Variants in SLCO5A1 observed in about 807,000 individuals in gnomAD.
The protein encoded by SLCO5A1 is solute carrier organic anion transporter family member 5A1.
Under a neutral mutation model 65.1 loss-of-function variants are expected in SLCO5A1, and 39 were observed. That is an observed-to-expected ratio of 0.60 (90% confidence interval 0.46 to 0.78). The LOEUF is 0.78. Ranked by LOEUF, SLCO5A1 falls within the 30% of genes least tolerant of loss-of-function variation. SLCO5A1 has a pLI of 0.00. For synonymous variants in SLCO5A1, 438 were observed against 415.7 expected, an observed-to-expected ratio of 1.05 and a Z score of -0.65; for missense variants, 1,029 against 1,069.4, an observed-to-expected ratio of 0.96 and a Z score of 0.53.
intron 2 of SLCO5A1, among the ~76,000 whole-genome samples, chr8:69,776,029 G>T (rs1397266432): frequency 6.6e-6 from 1 of 151,608 alleles, no homozygotes; most frequent in African/African-American, 2.4e-5. Flanking sequence ...AAAAGAAAAA[G>T]AAAAAAAGCT....
intron 8 of SLCO5A1, 49 bp from the exon 9 acceptor site, chr8:69,676,722 A>G: frequency 1.0e-5 from 16 of 1,533,094 alleles, no homozygotes; most frequent in Non-Finnish European, 1.4e-5. Context: ...TAGCCCCAAG[A>G]AAATGAATGT....
At chr8:69,787,001 A>C (rs1443801745) in intron 2 of SLCO5A1, among the ~76,000 whole-genome samples, 2 of 152,202 alleles carry the variant, frequency 1.3e-5, no homozygotes, top group Non-Finnish European at 2.9e-5. Flanking sequence ...GGCAGAAGGC[A>C]AGGAAACCTG....
At chr8:69,775,541 G>T (rs926782916) in intron 2 of SLCO5A1, among the ~76,000 whole-genome samples, 1 of 152,186 alleles carries the variant, frequency 6.6e-6, no homozygotes, top group Admixed American at 6.5e-5. Flanking sequence ...GGAGTACGGG[G>T]TGTTATCAGG....
In SLCO5A1 at chr8:69,765,054, A is replaced by T. The variant is rs181082849; in HGVS notation, c.908-3179T>A. Among the ~76,000 whole-genome samples, 175 of 152,338 alleles carry T rather than the reference A, an allele frequency of 1.1e-3. 2 individuals are homozygous for T. Among genetic ancestry groups the T allele is most frequent in the Non-Finnish European group, 2.8e-4 (19 of 68,022 alleles). ...GATAAAGCTTTTTAAAATTTGGAAAAGTAACCAGAAACATTTATTTCTATT... is the reference window on the plus strand; with the variant it reads ...GATAAAGCTTTTTAAAATTTGGAAATGTAACCAGAAACATTTATTTCTATT... On this transcript the variant is annotated intron_variant, in intron 2 of 9. Coordinates refer to ENST00000260126, the MANE Select transcript of SLCO5A1 (RefSeq NM_030958.3).
intron 2 of SLCO5A1, among the ~76,000 whole-genome samples, chr8:69,822,087 T>C (rs193269424): frequency 1.3e-5 from 2 of 150,672 alleles, no homozygotes; most frequent in African/African-American, 2.4e-5. Context: ...GACAGTGCCA[T>C]TGCGCTCCAG....
chr8:69,705,342 A>C, intron 5 of SLCO5A1, 113 bp from the exon 6 acceptor site: 1 of 795,876 alleles, frequency 1.3e-6, no homozygotes, highest in Non-Finnish European at 2.0e-6. Flanking sequence ...AGTTACTATA[A>C]TCAATACATC....
chr8:69,829,962 G>A (rs192247935), intron 2 of SLCO5A1, among the ~76,000 whole-genome samples: 1 of 152,260 alleles, frequency 6.6e-6, no homozygotes, highest in East Asian at 1.9e-4. Context: ...TTGGGTCTGT[G>A]TCGTGGGTAT....
intron 5 of SLCO5A1, 34 bp from the exon 6 acceptor site, chr8:69,705,263 C>T (rs1278091464): frequency 1.9e-6 from 3 of 1,590,058 alleles, no homozygotes; most frequent in African/African-American, 1.3e-5. Context: ...TTAATTTGAA[C>T]TCATGTACAC....
At chr8:69,744,267 A>T (rs1011500161) in intron 4 of SLCO5A1, among the ~76,000 whole-genome samples, 7 of 152,204 alleles carry the variant, frequency 4.6e-5, no homozygotes, top group Non-Finnish European at 1.0e-4. Context: ...CATGAACACC[A>T]CTGAGTGCGC....
intron 4 of SLCO5A1, among the ~76,000 whole-genome samples, chr8:69,752,407 G>A (rs530052585): frequency 2.5e-4 from 36 of 144,212 alleles, no homozygotes; most frequent in African/African-American, 9.4e-4. Flanking sequence ...TTGTTAAAAA[G>A]TAACCTCAAT....
At chr8:69,746,155 G>A (rs1402270604) in intron 4 of SLCO5A1, among the ~76,000 whole-genome samples, 2 of 152,078 alleles carry the variant, frequency 1.3e-5, no homozygotes, top group African/African-American at 4.8e-5. Flanking sequence ...GGCAAGGTCT[G>A]TAACTTTTCA....
chr8:69,692,787 C>T (rs1814329420), intron 6 of SLCO5A1, among the ~76,000 whole-genome samples: 2 of 152,196 alleles, frequency 1.3e-5, no homozygotes, highest in South Asian at 4.1e-4. Context: ...ATGGAGCTGT[C>T]ATCTCCTAAG....
chr8:69,699,567 CA>C (rs11339474), intron 6 of SLCO5A1, among the ~76,000 whole-genome samples: 105,155 of 151,494 alleles, frequency 0.69, 37,541 homozygotes, highest in African/African-American at 0.88. Flanking sequence ...ACACACACAG[CA>C]AACTGCTCAG....
At chr8:69,822,704 C>T (rs1820699671) in intron 2 of SLCO5A1, among the ~76,000 whole-genome samples, 2 of 152,210 alleles carry the variant, frequency 1.3e-5, no homozygotes, top group African/African-American at 4.8e-5. Context: ...CACATGGAAT[C>T]CCACCTGGTC....
chr8:69,708,034 G>T (rs1412969067), intron 5 of SLCO5A1, among the ~76,000 whole-genome samples: 1 of 152,164 alleles, frequency 6.6e-6, no homozygotes, highest in Non-Finnish European at 1.5e-5. Flanking sequence ...CAACAAGACG[G>T]TGCAGAGTAA....
intron 2 of SLCO5A1, among the ~76,000 whole-genome samples, chr8:69,816,448 G>C (rs1009509877): frequency 1.3e-5 from 2 of 152,178 alleles, no homozygotes; most frequent in African/African-American, 2.4e-5. Flanking sequence ...TGAAGAGGGG[G>C]ATCGGGCAGC....
intron 6 of SLCO5A1, among the ~76,000 whole-genome samples, chr8:69,696,783 G>C (rs1814516143): frequency 6.6e-6 from 1 of 152,050 alleles, no homozygotes. Context: ...TAAAAACAAA[G>C]TTAAAAGAAA....
chr8:69,712,950 G>A (rs1284032120), intron 5 of SLCO5A1, among the ~76,000 whole-genome samples: 1 of 152,086 alleles, frequency 6.6e-6, no homozygotes, highest in Non-Finnish European at 1.5e-5. Context: ...TCTAATTTGA[G>A]GTTAAAATAA....
chr8:69,829,386 A>C (rs766902955), intron 2 of SLCO5A1, among the ~76,000 whole-genome samples: 1 of 152,240 alleles, frequency 6.6e-6, no homozygotes, highest in Non-Finnish European at 1.5e-5. Flanking sequence ...GAAAAAGAAA[A>C]AAGTTGAGGC....
Sources: allele counts gnomAD v4.1 joint callset (sites outside exome capture counted in the v4.1 genomes callset), GRCh38; gene constraint gnomAD v4.1.1; transcripts MANE v1.5; gene names NCBI Gene and HGNC (gene_info 2026-07-23, HGNC 2026-07-21).